The following RNF212B variants were observed in gnomAD, a reference collection of about 807,000 sequenced individuals.
RNF212B encodes the protein ring finger protein 212B.
RNF212B carries 52 observed loss-of-function variants against 55.5 expected under a neutral mutation model. The observed-to-expected ratio is 0.94, with a 90% confidence interval of 0.75 to 1.18. The LOEUF (loss-of-function observed/expected upper bound fraction) is 1.18, where lower values mean the gene tolerates loss of function less well. RNF212B is among the 50% of genes most tolerant of loss of function. The probability of loss-of-function intolerance (pLI) is 0.00; values close to 1 mark genes in which losing one functional copy is unlikely to be tolerated. For synonymous variants in RNF212B, 99 were observed against 121.4 expected, an observed-to-expected ratio of 0.82 and a Z score of 1.21; for missense variants, 289 against 350.4, an observed-to-expected ratio of 0.82 and a Z score of 1.40.
intron 2 of RNF212B, among the ~76,000 whole-genome samples, chr14:23,201,252 A>G (rs550742379): frequency 6.6e-6 from 1 of 152,334 alleles, no homozygotes; most frequent in South Asian, 2.1e-4. Context: ...AGCACCTGTT[A>G]TAGTTTAATA....
At chr14:23,206,700 G>T (rs79585794) in intron 2 of RNF212B, among the ~76,000 whole-genome samples, 1 of 152,042 alleles carries the variant, frequency 6.6e-6, no homozygotes, top group Non-Finnish European at 1.5e-5. Flanking sequence ...ACATCATAAG[G>T]TAGAGAGAGA....
intron 11 of RNF212B, among the ~76,000 whole-genome samples, chr14:23,265,535 T>C (rs1885629493): frequency 6.6e-6 from 1 of 152,232 alleles, no homozygotes; most frequent in Non-Finnish European, 1.5e-5. Flanking sequence ...AAATCTCTTT[T>C]TTTAATTCTC....
At chr14:23,234,065 T>C (rs1882930801), upstream of RNF212B, among the ~76,000 whole-genome samples, 1 of 152,074 alleles carries the variant, frequency 6.6e-6, no homozygotes, top group Non-Finnish European at 1.5e-5. Context: ...CCACTGCACT[T>C]GCACTCCAGC....
At chr14:23,232,037 G>C (rs546547458) in intron 2 of RNF212B, among the ~76,000 whole-genome samples, 1 of 152,218 alleles carries the variant, frequency 6.6e-6, no homozygotes, top group Admixed American at 6.5e-5. Context: ...CCAAAGTGCC[G>C]AGATTGCAGC....
Position 23,240,344 on chromosome 14 carries a change from G to A in RNF212B, c.-1-1G>A. On this transcript the variant is annotated splice_acceptor_variant, in intron 1 of 14. Coordinates refer to ENST00000430154, the MANE Select transcript of RNF212B (RefSeq NM_001282322.3). LOFTEE classifies it low-confidence loss of function (5UTR_SPLICE). ...TTACTCTTTCTCTTTATCTGCTCCAGAATGGATTGGTTTCATTGCAACCAG... is the reference window on the plus strand; with the variant it reads ...TTACTCTTTCTCTTTATCTGCTCCAAAATGGATTGGTTTCATTGCAACCAG... The A allele has an allele frequency of 1.3e-6, 2 of 1,541,956 alleles. No homozygotes were observed. Among genetic ancestry groups the A allele is most frequent in the Non-Finnish European group, 1.8e-6 (2 of 1,139,402 alleles).
Position 23,263,789 on chromosome 14 carries a change from A to G in RNF212B, c.525-385A>G, listed in dbSNP as rs536463464. Among the ~76,000 whole-genome samples, 5 of 152,224 alleles carry G rather than the reference A, an allele frequency of 3.3e-5. No individual in the cohort carries two copies. In the East Asian group the frequency reaches 5.8e-4, roughly 18 times the overall value. ...AGTGTTCTGTGTGCTAACAACATAT[A>G]AAGCTAGGTTTTCTGAGGCTGGGTA... On this transcript the variant is annotated intron_variant, in intron 9 of 14. Transcript: ENST00000430154.
chr14:23,186,595 G>A (rs891927052), intron 1 of RNF212B, among the ~76,000 whole-genome samples: 10 of 152,038 alleles, frequency 6.6e-5, no homozygotes, highest in African/African-American at 1.2e-4. Context: ...TGATCCACCC[G>A]CCTCGGCCTC....
intron 2 of RNF212B, among the ~76,000 whole-genome samples, chr14:23,208,072 T>C (rs892586391): frequency 6.6e-6 from 1 of 152,226 alleles, no homozygotes; most frequent in Non-Finnish European, 1.5e-5. Flanking sequence ...AGGTTTGCCC[T>C]AAGCAGTTCC....
chr14:23,216,226 A>T (rs140740931), intron 2 of RNF212B, among the ~76,000 whole-genome samples: 4 of 152,328 alleles, frequency 2.6e-5, no homozygotes, highest in African/African-American at 9.6e-5. Flanking sequence ...AGCCTGGGTG[A>T]CAGAGCGAGA....
At chr14:23,187,053 C>A (rs1877667395) in intron 1 of RNF212B, among the ~76,000 whole-genome samples, 1 of 152,142 alleles carries the variant, frequency 6.6e-6, no homozygotes, top group African/African-American at 2.4e-5. Flanking sequence ...TTTGTCACCC[C>A]CTTCGCACAG....
rs1178144126 is a variant in RNF212B at position 23,270,627 on chromosome 14, A to G, written c.800A>G (p.Glu267Gly). The change falls in exon 14 of 15, where the codon GAG becomes GGG. Residue 267 changes from glutamate to glycine, a missense_variant. Transcript: ENST00000430154. Reference protein sequence around the residue: ...FAQRESTTTLESLPSFQLPVL... With the variant: ...FAQRESTTTLGSLPSFQLPVL... Reference sequence around the variant, plus strand: ...CAGAGGGAGAGCACAACTACACTAGAGAGTCTTCCTAGTTTCCAGCTACCA... The same window carrying G: ...CAGAGGGAGAGCACAACTACACTAGGGAGTCTTCCTAGTTTCCAGCTACCA... The G allele has an allele frequency of 6.4e-6, 10 of 1,550,396 alleles. No individual in the cohort carries two copies. The Admixed American group carries it at 2.0e-4, about 30-fold the overall frequency.
At chr14:23,232,941 A>C (rs1882818969), upstream of RNF212B, among the ~76,000 whole-genome samples, 1 of 152,158 alleles carries the variant, frequency 6.6e-6, no homozygotes, top group Non-Finnish European at 1.5e-5. Context: ...GGCCATGATG[A>C]CGATGGTGGT....
chr14:23,264,096 CA>C (rs1427399756), intron 9 of RNF212B, 77 bp from the exon 10 acceptor site: 1 of 1,275,328 alleles, frequency 7.8e-7, no homozygotes, highest in Non-Finnish European at 1.1e-6. Flanking sequence ...TGAAAAAAAC[CA>C]AAACAAAAAA....
At chr14:23,228,178 G>C (rs1882208156) in intron 2 of RNF212B, among the ~76,000 whole-genome samples, 1 of 152,022 alleles carries the variant, frequency 6.6e-6, no homozygotes, top group African/African-American at 2.4e-5. Flanking sequence ...ATTGCGGTGA[G>C]CTGAGATCGT....
At chr14:23,242,102 A>G (rs141364337) in intron 2 of RNF212B, among the ~76,000 whole-genome samples, 11 of 95,890 alleles carry the variant, frequency 1.1e-4, no homozygotes, top group African/African-American at 1.9e-4. Context: ...AAAAAAAAAA[A>G]AAAAAGAAAA....
chr14:23,197,827 G>A (rs1040413050), intron 2 of RNF212B, among the ~76,000 whole-genome samples: 1 of 151,140 alleles, frequency 6.6e-6, no homozygotes, highest in Non-Finnish European at 1.5e-5. Flanking sequence ...CCTGGGTGCA[G>A]GCGGGCTGAG....
chr14:23,270,783 A>G, intron 14 of RNF212B, 122 bp downstream of exon 14: 1 of 677,698 alleles, frequency 1.5e-6, no homozygotes, highest in Non-Finnish European at 2.7e-6. Context: ...CAACTCTGGT[A>G]ACTATATGTT....
chr14:23,242,157 C>T (rs1219986750), intron 2 of RNF212B, among the ~76,000 whole-genome samples: 2 of 144,302 alleles, frequency 1.4e-5, no homozygotes, highest in East Asian at 4.1e-4. Flanking sequence ...AAAGAACAGT[C>T]AAGTTAAGTA....
intron 4 of RNF212B, among the ~76,000 whole-genome samples, chr14:23,252,303 A>G (rs944816865): frequency 6.6e-6 from 1 of 152,156 alleles, no homozygotes; most frequent in Admixed American, 6.6e-5. Flanking sequence ...TCTGTGAGGA[A>G]CCAGGGGCGA....
Sources: gnomAD v4.1 joint callset for allele counts (sites outside exome capture counted in the v4.1 genomes callset) on GRCh38, gnomAD v4.1.1 for gene constraint, MANE v1.5 for transcripts, NCBI Gene and HGNC (gene_info 2026-07-23, HGNC 2026-07-21) for gene names.